Variants in WDR70 observed in about 807,000 individuals in gnomAD.
WDR70 encodes WD repeat-containing protein 70.
WDR70 carries 53 observed loss-of-function variants against 88.6 expected under a neutral mutation model. The observed-to-expected ratio is 0.60, with a 90% CI of 0.48 to 0.75. WDR70 has a LOEUF of 0.75. Ranked by LOEUF, WDR70 falls within the 30% of genes least tolerant of loss-of-function variation. The probability of loss-of-function intolerance (pLI) is 0.00; values close to 1 mark genes in which losing one functional copy is unlikely to be tolerated. For missense variants in WDR70, 610 were observed against 823.2 expected, an observed-to-expected ratio of 0.74 and a Z score of 3.17; for synonymous variants, 280 against 270.0, an observed-to-expected ratio of 1.04 and a Z score of -0.36.
intron 7 of WDR70, among the ~76,000 whole-genome samples, chr5:37,474,315 A>G (rs1253469406): frequency 6.6e-6 from 1 of 152,194 alleles, no homozygotes; most frequent in Non-Finnish European, 1.5e-5. Flanking sequence ...ACATAGGTAA[A>G]TTAGTTTATT....
chr5:37,396,676 G>T (rs1260096980), intron 5 of WDR70, 106 bp downstream of exon 5: 7 of 1,428,964 alleles, frequency 4.9e-6, no homozygotes, highest in Non-Finnish European at 6.4e-6. Flanking sequence ...TTTAAAAACT[G>T]AGGAAAGGCC....
At chr5:37,510,098 T>C (rs1286508991) in intron 8 of WDR70, among the ~76,000 whole-genome samples, 1 of 152,040 alleles carries the variant, frequency 6.6e-6, no homozygotes, top group Non-Finnish European at 1.5e-5. Flanking sequence ...AAAAAAAACT[T>C]AATAAAATTA....
chr5:37,412,085 CA>C (rs1159341566), intron 5 of WDR70, among the ~76,000 whole-genome samples: 2 of 151,734 alleles, frequency 1.3e-5, no homozygotes, highest in African/African-American at 4.8e-5. Flanking sequence ...TCAGAGAAAA[CA>C]GGTGAAAAAT....
intron 8 of WDR70, among the ~76,000 whole-genome samples, chr5:37,496,349 G>C (rs1386597954): frequency 6.6e-6 from 1 of 152,168 alleles, no homozygotes; most frequent in Non-Finnish European, 1.5e-5. Flanking sequence ...ACCTTTATGA[G>C]CTGTAAACAC....
chr5:37,499,542 A>G (rs1214404827), intron 8 of WDR70, among the ~76,000 whole-genome samples: 2 of 143,878 alleles, frequency 1.4e-5, no homozygotes, highest in African/African-American at 2.6e-5. Flanking sequence ...AAAAATATAT[A>G]TATTCTCAAC....
intron 9 of WDR70, among the ~76,000 whole-genome samples, chr5:37,588,984 C>T (rs556885972): frequency 1.1e-4 from 17 of 151,982 alleles, no homozygotes; most frequent in Non-Finnish European, 2.1e-4. Flanking sequence ...AGGCTAGTCT[C>T]GAACTCCTGA....
intron 5 of WDR70, among the ~76,000 whole-genome samples, chr5:37,419,316 C>T (rs990350695): frequency 1.3e-5 from 2 of 151,550 alleles, no homozygotes; most frequent in African/African-American, 4.8e-5. Context: ...AGCGATTCTC[C>T]TGCCTCAGCC....
intron 3 of WDR70, among the ~76,000 whole-genome samples, chr5:37,386,241 C>T (rs1304352524): frequency 1.3e-5 from 2 of 152,188 alleles, no homozygotes; most frequent in African/African-American, 4.8e-5. Flanking sequence ...AATGTTTGTA[C>T]TATCACAGTA....
chr5:37,433,621 C>T (rs1750380787), intron 5 of WDR70, among the ~76,000 whole-genome samples: 1 of 152,126 alleles, frequency 6.6e-6, no homozygotes, highest in African/African-American at 2.4e-5. Context: ...AATTCAAACT[C>T]TAGTAAGGGA....
intron 5 of WDR70, among the ~76,000 whole-genome samples, chr5:37,417,410 A>G (rs961848183): frequency 1.3e-5 from 2 of 151,966 alleles, no homozygotes; most frequent in African/African-American, 4.8e-5. Context: ...TGTTTTCTAG[A>G]GATGGAGTTT....
intron 8 of WDR70, among the ~76,000 whole-genome samples, chr5:37,484,820 A>G (rs1394309840): frequency 6.6e-6 from 1 of 152,234 alleles, no homozygotes; most frequent in Non-Finnish European, 1.5e-5. Flanking sequence ...CCCTTGGATC[A>G]GTGGACTACC....
intron 5 of WDR70, among the ~76,000 whole-genome samples, chr5:37,398,074 C>T (rs1434288478): frequency 6.8e-6 from 1 of 147,126 alleles, no homozygotes; most frequent in Non-Finnish European, 1.5e-5. Context: ...GTATTTGACA[C>T]TTGGGGTAGA....
At chr5:37,436,841 G>A (rs1750480321) in intron 5 of WDR70, among the ~76,000 whole-genome samples, 1 of 141,238 alleles carries the variant, frequency 7.1e-6, no homozygotes, top group South Asian at 2.3e-4. Flanking sequence ...CCATAGCAGG[G>A]GAAAGATTGA....
At chr5:37,567,013 A>G (rs1391497846) in intron 9 of WDR70, among the ~76,000 whole-genome samples, 1 of 152,200 alleles carries the variant, frequency 6.6e-6, no homozygotes, top group Non-Finnish European at 1.5e-5. Flanking sequence ...GGTCTCCAAA[A>G]TTAATAATAG....
chr5:37,444,128 G>A (rs1174769019), intron 7 of WDR70, among the ~76,000 whole-genome samples: 2 of 151,144 alleles, frequency 1.3e-5, no homozygotes, highest in East Asian at 3.9e-4. Context: ...CATCCTGGGT[G>A]ACAGAGCAAG....
chr5:37,436,837 C>T (rs1316777449), intron 5 of WDR70, among the ~76,000 whole-genome samples: 1 of 141,004 alleles, frequency 7.1e-6, no homozygotes, highest in Non-Finnish European at 1.6e-5. Flanking sequence ...AGAGCCATAG[C>T]AGGGGAAAGA....
At chr5:37,659,204 G>A (rs1211141091) in intron 10 of WDR70, among the ~76,000 whole-genome samples, 1 of 152,172 alleles carries the variant, frequency 6.6e-6, no homozygotes, top group Non-Finnish European at 1.5e-5. Flanking sequence ...TTTTAAGGTA[G>A]ATACTTCTAC....
chr5:37,483,364 A>G (rs1293078060), intron 8 of WDR70, among the ~76,000 whole-genome samples: 1 of 152,118 alleles, frequency 6.6e-6, no homozygotes, highest in African/African-American at 2.4e-5. Context: ...ACCGCCCTTA[A>G]TCCATTTAAC....
At chr5:37,444,215 A>G (rs1280533674) in intron 7 of WDR70, among the ~76,000 whole-genome samples, 1 of 152,076 alleles carries the variant, frequency 6.6e-6, no homozygotes, top group African/African-American at 2.4e-5. Context: ...CTGAGAAATG[A>G]GAAATTAACA....
Sources: allele counts gnomAD v4.1 joint callset (sites outside exome capture counted in the v4.1 genomes callset), GRCh38; gene constraint gnomAD v4.1.1; transcripts MANE v1.5; gene names NCBI Gene and HGNC (gene_info 2026-07-23, HGNC 2026-07-21).